The following SLC16A2 variants were observed in gnomAD, a reference collection of about 807,000 sequenced individuals.
SLC16A2 encodes solute carrier family 16 member 2.
SLC16A2 carries 3 observed loss-of-function variants against 27.2 expected under a neutral mutation model. The ratio of observed to expected loss-of-function variants is 0.11; its 90% confidence interval spans 0.05 to 0.28. The LOEUF (loss-of-function observed/expected upper bound fraction) is 0.28. Among genes scored for constraint, SLC16A2 ranks in the 10% least tolerant of loss-of-function variants. The pLI, the probability that SLC16A2 is intolerant of heterozygous loss-of-function variation, is 1.00. For missense variants in SLC16A2, 295 were observed against 458.5 expected, an observed-to-expected ratio of 0.64 and a Z score of 3.26; for synonymous variants, 202 against 187.8, an observed-to-expected ratio of 1.08 and a Z score of -0.62.
chrX:74,432,084 A>G (rs1928544054), intron 1 of SLC16A2, among the ~76,000 whole-genome samples: 1 of 111,876 alleles, frequency 8.9e-6, no homozygotes, highest in Non-Finnish European at 1.9e-5. Context: ...AGCACTTGGC[A>G]GGAGCTCACA....
chrX:74,470,319 C>G (rs945972197), intron 1 of SLC16A2, among the ~76,000 whole-genome samples: 1 of 112,086 alleles, frequency 8.9e-6, no homozygotes, highest in Admixed American at 9.5e-5. Context: ...AGGTTTTTGA[C>G]CCACTTGGGT....
At chrX:74,439,477 A>AT (rs58357634) in intron 1 of SLC16A2, among the ~76,000 whole-genome samples, 17,480 of 78,517 alleles carry the variant, frequency 0.22, 2,233 homozygotes, top group African/African-American at 0.29. Flanking sequence ...GGCCCGGCTA[A>AT]TTTTTTTTTT....
chrX:74,444,015 A>T (rs185020525), intron 1 of SLC16A2, among the ~76,000 whole-genome samples: 1 of 111,258 alleles, frequency 9.0e-6, no homozygotes, highest in Non-Finnish European at 1.9e-5. Flanking sequence ...GTCTGGGGGC[A>T]GGGGCAGGAG....
chrX:74,487,807 T>G (rs951313293), intron 1 of SLC16A2, among the ~76,000 whole-genome samples: 29 of 110,625 alleles, frequency 2.6e-4, no homozygotes, highest in Middle Eastern at 4.3e-3. Flanking sequence ...TAATTGTTGG[T>G]TTTTTTTTCC....
At chrX:74,441,635 C>G (rs1360844917) in intron 1 of SLC16A2, among the ~76,000 whole-genome samples, 3 of 111,507 alleles carry the variant, frequency 2.7e-5, no homozygotes, top group Non-Finnish European at 5.6e-5. Context: ...CCATGTCCAA[C>G]AGTGGAAACT....
chrX:74,502,828 T>C (rs1369634962), intron 1 of SLC16A2, among the ~76,000 whole-genome samples: 3 of 110,978 alleles, frequency 2.7e-5, no homozygotes, highest in Non-Finnish European at 5.7e-5. Context: ...GGCAGTGCCC[T>C]CATATTACCC....
intron 5 of SLC16A2, 87 bp from the exon 6 acceptor site, chrX:74,531,246 C>T: frequency 1.3e-6 from 1 of 751,835 alleles, no homozygotes. Context: ...TCTGGATAGG[C>T]ACTGTGATGG....
At chrX:74,530,727 G>A (rs1285294929) in intron 5 of SLC16A2, among the ~76,000 whole-genome samples, 1 of 111,631 alleles carries the variant, frequency 9.0e-6, no homozygotes, top group African/African-American at 3.3e-5. Context: ...TCTGGGCTCT[G>A]AGGTACTACG....
At chrX:74,501,049 G>A (rs1346006737) in intron 1 of SLC16A2, among the ~76,000 whole-genome samples, 1 of 105,693 alleles carries the variant, frequency 9.5e-6, no homozygotes, top group Non-Finnish European at 1.9e-5. Context: ...TGAGAGTAAT[G>A]GCAAAACTGC....
chrX:74,492,247 TAGCAAAGCAGATTAG>T (rs1170512997), intron 1 of SLC16A2, among the ~76,000 whole-genome samples: 1 of 111,224 alleles, frequency 9.0e-6, no homozygotes, highest in East Asian at 2.8e-4. Flanking sequence ...TAGCTCTCTA[TAGCAAAGCAGATTAG>T]AGTAGCTCCA....
intron 1 of SLC16A2, among the ~76,000 whole-genome samples, chrX:74,456,526 C>G (rs780292277): frequency 1.3e-5 from 1 of 77,425 alleles, no homozygotes; most frequent in African/African-American, 6.1e-5. Flanking sequence ...ACCTGTGCAA[C>G]GACAACAACA....
chrX:74,496,941 A>G (rs143051802), intron 1 of SLC16A2, among the ~76,000 whole-genome samples: 1,338 of 111,576 alleles, frequency 0.012, 12 homozygotes, highest in Non-Finnish European at 0.02. Context: ...CTGTTGGTGC[A>G]TTCTTCTGGA....
At chrX:74,469,080 T>A (rs1447210722) in intron 1 of SLC16A2, among the ~76,000 whole-genome samples, 1 of 112,091 alleles carries the variant, frequency 8.9e-6, no homozygotes, top group Non-Finnish European at 1.9e-5. Context: ...ACATGCAACA[T>A]TTCTGTGCTT....
At chrX:74,456,527 GACA>G (rs3066232) in intron 1 of SLC16A2, among the ~76,000 whole-genome samples, 47,977 of 108,205 alleles carry the variant, frequency 0.44, 8,988 homozygotes, top group East Asian at 0.96. Flanking sequence ...CCTGTGCAAC[GACA>G]ACAACAACAA....
chrX:74,484,253 G>A (rs1264255898), intron 1 of SLC16A2, among the ~76,000 whole-genome samples: 1 of 112,226 alleles, frequency 8.9e-6, no homozygotes, highest in Non-Finnish European at 1.9e-5. Context: ...TCATTTTAGA[G>A]GGGCATGAGC....
intron 1 of SLC16A2, chrX:74,473,096 T>C (rs1371529929): frequency 1.6e-5 from 9 of 548,636 alleles, no homozygotes; most frequent in Non-Finnish European, 2.9e-5. Context: ...TGGCAAAGAA[T>C]TGGCCTCCAC....
At chrX:74,473,263 C>A in intron 1 of SLC16A2, 1 of 662,520 alleles carries the variant, frequency 1.5e-6, no homozygotes, top group Admixed American at 2.3e-5. Flanking sequence ...GCCACCATAA[C>A]CACCACCACC....
chrX:74,425,511 C>A (rs1255621105), intron 1 of SLC16A2, among the ~76,000 whole-genome samples: 1 of 110,936 alleles, frequency 9.0e-6, no homozygotes, highest in African/African-American at 3.3e-5. Flanking sequence ...AGTTCCCCAA[C>A]CCAGACCAAA....
At position 74,531,591 on chromosome X, in the gene SLC16A2, C is replaced by T. The variant is rs752196206; in HGVS notation, c.*38C>T. 2 of 1,039,187 alleles carry T rather than the reference C, an allele frequency of 1.9e-6. No individual in the cohort carries two copies. The highest frequency in any genetic ancestry group is 2.7e-6 in the Non-Finnish European group (2 of 739,203). 85.6% of individuals were successfully genotyped at this position (1,039,187 alleles called of 1,213,427 possible). A position where few individuals can be genotyped will look rare whatever the true frequency, so the allele number is the denominator to read the frequency against. On this transcript the variant is annotated 3_prime_UTR_variant, in exon 6 of 6. Coordinates refer to ENST00000587091, the MANE Select transcript of SLC16A2 (RefSeq NM_006517.5). ...CATTGTGTGCCCTTTCCCAGCTCTTCCCCTTCATCCCACCCTGCTCAGCAT... is the reference window on the plus strand; with the variant it reads ...CATTGTGTGCCCTTTCCCAGCTCTTTCCCTTCATCCCACCCTGCTCAGCAT...
Sources: gnomAD v4.1 joint callset for allele counts (sites outside exome capture counted in the v4.1 genomes callset) on GRCh38, gnomAD v4.1.1 for gene constraint, MANE v1.5 for transcripts, NCBI Gene and HGNC (gene_info 2026-07-23, HGNC 2026-07-21) for gene names.